DENND1A: variants seen among roughly 807,000 people sequenced by gnomAD.
The protein encoded by DENND1A is DENN domain containing 1A.
Under a neutral mutation model 113.7 loss-of-function variants are expected in DENND1A, and 51 were observed. The ratio of observed to expected loss-of-function variants is 0.45; its 90% confidence interval spans 0.36 to 0.57. DENND1A has a LOEUF of 0.57. Among genes scored for constraint, DENND1A ranks in the 20% least tolerant of loss-of-function variants. DENND1A has a pLI of 0.00. For missense variants in DENND1A, 1,258 were observed against 1,395.9 expected, an observed-to-expected ratio of 0.90 and a Z score of 1.57; for synonymous variants, 565 against 570.8, an observed-to-expected ratio of 0.99 and a Z score of 0.14.
intron 13 of DENND1A, among the ~76,000 whole-genome samples, chr9:123,517,848 A>G (rs1048983815): frequency 6.6e-6 from 1 of 152,220 alleles, no homozygotes; most frequent in African/African-American, 2.4e-5. Flanking sequence ...AAGGCATAAA[A>G]AACACTTGTA....
chr9:123,755,154 G>T (rs1225361993), intron 5 of DENND1A, among the ~76,000 whole-genome samples: 16 of 138,730 alleles, frequency 1.2e-4, no homozygotes, highest in African/African-American at 3.8e-4. Flanking sequence ...ACAGAGTCTT[G>T]CTCTGTCGCC....
chr9:123,522,156 T>C (rs2054449914), intron 13 of DENND1A, among the ~76,000 whole-genome samples: 1 of 152,196 alleles, frequency 6.6e-6, no homozygotes, highest in Non-Finnish European at 1.5e-5. Flanking sequence ...AAATGTTTTA[T>C]TTGGTTTCAA....
intron 2 of DENND1A, among the ~76,000 whole-genome samples, chr9:123,842,175 G>C (rs1257897175): frequency 6.6e-6 from 1 of 152,182 alleles, no homozygotes; most frequent in African/African-American, 2.4e-5. Flanking sequence ...AAGTACACCA[G>C]AATTCAAAGG....
At chr9:123,610,555 G>A (rs952809835) in intron 10 of DENND1A, among the ~76,000 whole-genome samples, 4 of 152,160 alleles carry the variant, frequency 2.6e-5, no homozygotes, top group Non-Finnish European at 5.9e-5. Flanking sequence ...TTTGGGTTAG[G>A]GGAAGGAGGT....
At chr9:123,907,293 T>C (rs1197405331) in intron 1 of DENND1A, among the ~76,000 whole-genome samples, 1 of 146,942 alleles carries the variant, frequency 6.8e-6, no homozygotes, top group Non-Finnish European at 1.5e-5. Flanking sequence ...CTTTGAAAAC[T>C]GGCACAAGAC....
rs796144891 is a variant in DENND1A, at chr9:123,557,838, G to T, written c.868-143C>A. ...CCTCAGTTACTGGGAGGACAAAAAC[G>T]TGTTCAGGCTGGGTGCAGTGGCACA... On this transcript the variant is annotated intron_variant, in intron 12 of 23. Coordinates refer to ENST00000394215, the MANE Select transcript of DENND1A (RefSeq NM_001352964.2). 11 of 990,198 alleles carry T rather than the reference G, an allele frequency of 1.1e-5. No homozygotes were observed. The African/African-American group carries it at 1.3e-4, about 12-fold the overall frequency. 61.3% of individuals were successfully genotyped at this position (990,198 alleles called of 1,614,324 possible).
intron 3 of DENND1A, 101 bp downstream of exon 3, chr9:123,792,485 TA>T: frequency 7.9e-7 from 1 of 1,270,786 alleles, no homozygotes; most frequent in Non-Finnish European, 1.1e-6. Flanking sequence ...TCTTCCCTTC[TA>T]AAAATTCATT....
rs1164369496 is a variant in DENND1A, at chr9:123,383,835, C to A, written c.1839G>T (p.Arg613=). 3 of 1,613,900 alleles carry A rather than the reference C, an allele frequency of 1.9e-6. No homozygotes were observed. Among genetic ancestry groups the A allele is most frequent in the South Asian group, 2.2e-5 (2 of 91,088 alleles). Reference sequence around the variant, plus strand: ...GAGCTGGGACAGGGCCTGTGGACTTCCGCACTTGCTGCTCTGGACTCTCTG... The same window carrying A: ...GAGCTGGGACAGGGCCTGTGGACTTACGCACTTGCTGCTCTGGACTCTCTG... ...DEAESPEQQV[R]KSTGPVPAPP... The change falls in exon 23 of 24, where the codon CGG becomes CGT. Residue 613 remains arginine (R), a synonymous_variant. Coordinates refer to ENST00000394215, the MANE Select transcript of DENND1A (RefSeq NM_001352964.2).
At chr9:123,775,179 A>T (rs1336555918) in intron 3 of DENND1A, among the ~76,000 whole-genome samples, 1 of 152,196 alleles carries the variant, frequency 6.6e-6, no homozygotes, top group Non-Finnish European at 1.5e-5. Flanking sequence ...TCAGCATGAA[A>T]TGCCAATAAA....
At chr9:123,853,649 G>A (rs1293722957) in intron 2 of DENND1A, among the ~76,000 whole-genome samples, 2 of 152,294 alleles carry the variant, frequency 1.3e-5, no homozygotes, top group East Asian at 1.9e-4. Context: ...GGGTGACAGA[G>A]TGAGACTCTG....
At position 123,575,443 on chromosome 9, in the gene DENND1A, T is replaced by C. The variant is rs114865479; in HGVS notation, c.867+7726A>G. Among the ~76,000 whole-genome samples the C allele has an allele frequency of 3.2e-3, 482 of 152,310 alleles. 3 individuals are homozygous for C. The highest frequency in any genetic ancestry group is 0.011 in the African/African-American group (475 of 41,564). ...GGGGTTGGAGACCCCTGTTGCAGAA[T>C]GTTCCCAAATTTGAATTTCTCAGAA... On this transcript the variant is annotated intron_variant, in intron 12 of 23. Transcript: ENST00000394215.
intron 18 of DENND1A, among the ~76,000 whole-genome samples, chr9:123,446,826 A>AAAAAG (rs1456565391): frequency 2.0e-5 from 3 of 152,202 alleles, no homozygotes; most frequent in Admixed American, 6.5e-5. Context: ...ACAAAATAAA[A>AAAAAG]AAAAGAAAAG....
At chr9:123,434,053 G>A (rs1392549688) in intron 19 of DENND1A, among the ~76,000 whole-genome samples, 1 of 152,148 alleles carries the variant, frequency 6.6e-6, no homozygotes, top group African/African-American at 2.4e-5. Context: ...TTGAGATGGA[G>A]TCTCACTCTG....
At chr9:123,850,409 T>A (rs1418423819) in intron 2 of DENND1A, among the ~76,000 whole-genome samples, 1 of 152,228 alleles carries the variant, frequency 6.6e-6, no homozygotes, top group Non-Finnish European at 1.5e-5. Context: ...TATGTACCTT[T>A]TTAAACATAA....
intron 12 of DENND1A, among the ~76,000 whole-genome samples, chr9:123,559,614 G>C (rs1003171996): frequency 4.6e-5 from 7 of 152,170 alleles, no homozygotes; most frequent in African/African-American, 1.4e-4. Flanking sequence ...CTTTAGAAAT[G>C]ATCCACGCAC....
At chr9:123,787,849 C>A (rs370273205) in intron 3 of DENND1A, among the ~76,000 whole-genome samples, 3 of 152,176 alleles carry the variant, frequency 2.0e-5, no homozygotes, top group African/African-American at 2.4e-5. Context: ...ACAAGAAACA[C>A]TGTTAGTTTC....
intron 2 of DENND1A, 88 bp downstream of exon 2, chr9:123,878,863 A>AT: frequency 7.6e-7 from 1 of 1,316,872 alleles, no homozygotes. Context: ...ACAAATAACA[A>AT]TTTACTCATA....
intron 8 of DENND1A, among the ~76,000 whole-genome samples, chr9:123,659,461 G>C (rs1196710039): frequency 1.3e-5 from 2 of 152,136 alleles, no homozygotes; most frequent in Non-Finnish European, 2.9e-5. Flanking sequence ...AAAAAATCTA[G>C]AAAAGATGTG....
chr9:123,779,934 C>G (rs1831032385), intron 3 of DENND1A, among the ~76,000 whole-genome samples: 1 of 150,698 alleles, frequency 6.6e-6, no homozygotes, highest in Admixed American at 6.6e-5. Context: ...GAGATCTCGG[C>G]TCACTGCAAC....
Sources: gnomAD v4.1 joint callset for allele counts (sites outside exome capture counted in the v4.1 genomes callset) on GRCh38, gnomAD v4.1.1 for gene constraint, MANE v1.5 for transcripts, NCBI Gene and HGNC (gene_info 2026-07-23, HGNC 2026-07-21) for gene names.